CFAP206: variants seen among roughly 807,000 people sequenced by gnomAD.
CFAP206 encodes cilia and flagella associated protein 206, also known as cilia- and flagella-associated protein 206.
In CFAP206, 53 loss-of-function variants were observed where a neutral mutation model predicts 65.4. The ratio of observed to expected loss-of-function variants is 0.81; its 90% CI spans 0.65 to 1.02. CFAP206 has a LOEUF of 1.02. Ranked by LOEUF, CFAP206 falls within the 50% of genes least tolerant of loss-of-function variation. The probability of loss-of-function intolerance (pLI) is 0.00; values close to 1 mark genes in which losing one functional copy is unlikely to be tolerated. For missense variants in CFAP206, 663 were observed against 753.2 expected, an observed-to-expected ratio of 0.88 and a Z score of 1.40; for synonymous variants, 250 against 254.4, an observed-to-expected ratio of 0.98 and a Z score of 0.17.
chr6:87,427,223 C>T (rs543766707), intron 8 of CFAP206, among the ~76,000 whole-genome samples: 264 of 152,284 alleles, frequency 1.7e-3, no homozygotes, highest in Middle Eastern at 3.4e-3. Flanking sequence ...CTGCAAGCTC[C>T]GCCTCCTGGG....
intron 11 of CFAP206, chr6:87,444,322 G>A (rs1395258155): frequency 9.2e-6 from 2 of 216,264 alleles, no homozygotes; most frequent in African/African-American, 4.6e-5. Flanking sequence ...ACACTGGTTT[G>A]TATTGTTGCA....
intron 7 of CFAP206, among the ~76,000 whole-genome samples, chr6:87,422,824 A>G (rs552902902): frequency 1.3e-5 from 2 of 152,230 alleles, no homozygotes; most frequent in South Asian, 4.1e-4. Flanking sequence ...GTAAAATGTA[A>G]GTAGAGTAAT....
chr6:87,413,360 GAA>G (rs1000552475), intron 3 of CFAP206, among the ~76,000 whole-genome samples: 1 of 152,168 alleles, frequency 6.6e-6, no homozygotes, highest in African/African-American at 2.4e-5. Context: ...TATCTTAAGT[GAA>G]ATAACTCAGA....
intron 12 of CFAP206, among the ~76,000 whole-genome samples, chr6:87,463,376 T>C (rs1451231792): frequency 6.6e-6 from 1 of 152,176 alleles, no homozygotes; most frequent in Non-Finnish European, 1.5e-5. Context: ...ATGTTTCCTC[T>C]AATTCCAGGT....
intron 11 of CFAP206, chr6:87,444,568 G>GT (rs529003607): frequency 8.1e-5 from 26 of 321,620 alleles, no homozygotes; most frequent in South Asian, 6.5e-4. Context: ...ATGTCATTGA[G>GT]TTCAGGCATT....
chr6:87,422,723 C>G (rs1767963469), intron 7 of CFAP206, among the ~76,000 whole-genome samples: 1 of 150,562 alleles, frequency 6.6e-6, no homozygotes, highest in Non-Finnish European at 1.5e-5. Context: ...TGCACTCTAG[C>G]CTGGGCCACA....
In CFAP206 at chr6:87,410,579, T is replaced by G; in HGVS notation, c.109-6T>G. On this transcript the variant is annotated splice_region_variant and splice_polypyrimidine_tract_variant and intron_variant, in intron 2 of 12. Transcript: ENST00000369562. ...AGTTAATGGACTCGTTCCTACTTTT[T>G]TCTAGGTGAAAGCTGTTGTCCTGGA... 6.2e-7 allele frequency: 1 copy of G among 1,611,032 alleles called. No individual in the cohort carries two copies. Among genetic ancestry groups the G allele is most frequent in the Non-Finnish European group, 8.5e-7 (1 of 1,177,358 alleles).
intron 2 of CFAP206, 99 bp downstream of exon 2, chr6:87,410,046 T>C: frequency 1.2e-6 from 1 of 824,770 alleles, no homozygotes. Flanking sequence ...TTCATAAATG[T>C]TTTTCAGTTG....
At position 87,434,914 on chromosome 6, in the gene CFAP206, G is replaced by A; in HGVS notation, c.1355G>A (p.Ser452Asn). The A allele has an allele frequency of 6.5e-7, 1 of 1,529,122 alleles. No homozygotes were observed. Among genetic ancestry groups the A allele is most frequent in the Non-Finnish European group, 9.0e-7 (1 of 1,113,124 alleles). The allele number at this position is 1,529,122 out of a possible 1,614,324, so 94.7% of individuals were successfully genotyped here. A position where few individuals can be genotyped will look rare whatever the true frequency, so the allele number is the denominator to read the frequency against. The change falls in exon 11 of 13, where the codon AGT becomes AAT. Residue 452 changes from serine (S) to asparagine (N), a missense_variant. Transcript: ENST00000369562. ...KYKEKYYTFN[S>N]KDAAYSFAEN... ...AAAGAAAAATATTACACATTCAATA[G>A]TAAAGATGCTGCATATTCATTTGCA...
At chr6:87,409,988 GTT>G in intron 2 of CFAP206, 41 bp downstream of exon 2, 1 of 1,388,474 alleles carries the variant, frequency 7.2e-7, no homozygotes, top group Non-Finnish European at 1.0e-6. Flanking sequence ...TTATTAAGAG[GTT>G]TTTTAAGATG....
intron 3 of CFAP206, among the ~76,000 whole-genome samples, chr6:87,411,602 C>A (rs941062480): frequency 6.6e-6 from 1 of 151,950 alleles, no homozygotes; most frequent in East Asian, 1.9e-4. Flanking sequence ...TAGGCCAATG[C>A]CCAGCCCCCT....
rs147632871 is a variant in CFAP206 at position 87,455,507 on chromosome 6, C to T, written c.1495-5515C>T. Reference sequence around the variant, plus strand: ...TGAAAAGAAATAATAAAGATCAGAGCAGAAATAAATGAAATTGAAATGAAA... The same window carrying T: ...TGAAAAGAAATAATAAAGATCAGAGTAGAAATAAATGAAATTGAAATGAAA... On this transcript the variant is annotated intron_variant, in intron 11 of 12. Transcript: ENST00000369562. Among the ~76,000 whole-genome samples the T allele has an allele frequency of 5.8e-3, 875 of 151,094 alleles. 33 individuals carry two copies. Among genetic ancestry groups the T allele is most frequent in the Admixed American group, 0.051 (782 of 15,186 alleles).
rs1471425950 is a variant in CFAP206 at position 87,426,628 on chromosome 6, C to T, written c.943C>T (p.Pro315Ser). Residue 315 changes from proline (P) to serine (S), a missense_variant, in exon 8 of 13, where the codon CCA becomes TCA. Physicochemically the swap from Pro to Ser is moderately conservative, Grantham distance 74. Coordinates refer to ENST00000369562, the MANE Select transcript of CFAP206 (RefSeq NM_001031743.3). ...GACCATAAAATCAAAGATAGCGGTC[C>T]CAACATCACAAGTCTTTGTAAGTAT... The part of the protein sequence containing the change: ...KMTIKSKIAV[P>S]TSQVFPIFIA... 1.3e-6 allele frequency: 2 copies of T among 1,586,622 alleles called. No individual in the cohort carries two copies. Among genetic ancestry groups the T allele is most frequent in the African/African-American group, 1.3e-5 (1 of 74,076 alleles).
rs1768147714 is a variant in CFAP206 at position 87,431,100 on chromosome 6, TGATAA to T, written c.1228_1232del (p.Asp410ThrfsTer33). 6.2e-7 allele frequency: 1 copy of T among 1,613,958 alleles called. No individual in the cohort carries two copies. The highest frequency in any genetic ancestry group is 8.5e-7 in the Non-Finnish European group (1 of 1,179,948). The stretch of plus-strand genomic sequence containing the variant: ...TTTTCCCAGAAACAACAGCAAATTT[TGATAA>T]ACTGTTAATTCAATATCGGGGATTT... On this transcript the variant is annotated frameshift_variant, in exon 10 of 13. Transcript: ENST00000369562. LOFTEE classifies it high-confidence loss of function.
chr6:87,461,186 G>C (rs1385451827), intron 12 of CFAP206, 21 bp downstream of exon 12: 2 of 1,475,988 alleles, frequency 1.4e-6, no homozygotes, highest in African/African-American at 2.9e-5. Flanking sequence ...ATACTTTCTA[G>C]AATTATTTAT....
At chr6:87,425,553 T>C (rs904706241) in intron 7 of CFAP206, among the ~76,000 whole-genome samples, 1 of 152,196 alleles carries the variant, frequency 6.6e-6, no homozygotes, top group African/African-American at 2.4e-5. Flanking sequence ...CTTTAACTTA[T>C]TATGTGTGAT....
intron 11 of CFAP206, among the ~76,000 whole-genome samples, chr6:87,450,371 G>A (rs1184106670): frequency 2.6e-5 from 4 of 151,850 alleles, no homozygotes; most frequent in Admixed American, 2.6e-4. Context: ...TATTATGATA[G>A]GGATTGCGTT....
chr6:87,425,545 T>C (rs150601753), intron 7 of CFAP206, among the ~76,000 whole-genome samples: 1 of 152,342 alleles, frequency 6.6e-6, no homozygotes, highest in African/African-American at 2.4e-5. Context: ...ACAAGGTACT[T>C]TAACTTATTA....
At chr6:87,463,293 T>G (rs1768774041) in intron 12 of CFAP206, among the ~76,000 whole-genome samples, 1 of 152,226 alleles carries the variant, frequency 6.6e-6, no homozygotes, top group South Asian at 2.1e-4. Flanking sequence ...AAAGTCATAT[T>G]AATGTGGACA....
Sources: gnomAD v4.1 joint callset for allele counts (sites outside exome capture counted in the v4.1 genomes callset) on GRCh38, gnomAD v4.1.1 for gene constraint, MANE v1.5 for transcripts, NCBI Gene and HGNC (gene_info 2026-07-23, HGNC 2026-07-21) for gene names.